SCUBE3: variants seen among roughly 807,000 people sequenced by gnomAD.
SCUBE3 encodes signal peptide, CUB and EGF-like domain-containing protein 3.
SCUBE3 carries 33 observed loss-of-function variants against 116.8 expected under a neutral mutation model. The ratio of observed to expected loss-of-function variants is 0.28; its 90% confidence interval spans 0.21 to 0.38. The LOEUF is 0.38. Ranked by LOEUF, SCUBE3 falls within the 10% of genes least tolerant of loss-of-function variation. SCUBE3 has a pLI of 1.00. For synonymous variants in SCUBE3, 418 were observed against 496.9 expected (o/e 0.84, Z 2.11); for missense variants, 1,007 against 1,324.8 (o/e 0.76, Z 3.72).
chr6:35,217,390 CGTTTA>C (rs1476006946), intron 1 of SCUBE3, among the ~76,000 whole-genome samples: 1 of 151,518 alleles, frequency 6.6e-6, no homozygotes, highest in African/African-American at 2.4e-5. Flanking sequence ...CCAGCCTGGC[CGTTTA>C]GTTTACCTGG....
intron 14 of SCUBE3, 79 bp from the exon 15 acceptor site, chr6:35,242,942 G>T: frequency 6.6e-7 from 1 of 1,526,376 alleles, no homozygotes; most frequent in Non-Finnish European, 9.1e-7. Context: ...GCCCCTCCTA[G>T]CTCCCAGCTT....
In SCUBE3 at chr6:35,243,825, C is replaced by G; in HGVS notation, c.2071+70C>G. On this transcript the variant is annotated intron_variant, in intron 16 of 21. Transcript: ENST00000274938. The surrounding 1 kb of genome is among the most constrained non-coding windows in gnomAD (Gnocchi z 6.6). ...GGGATGCCCATGGGCATGGGATTTCCCAAAGGGCAGGCCCAGGCTCCAGGC... is the reference window on the plus strand; with the variant it reads ...GGGATGCCCATGGGCATGGGATTTCGCAAAGGGCAGGCCCAGGCTCCAGGC... 1 of 1,564,778 alleles carries G rather than the reference C, an allele frequency of 6.4e-7. No homozygotes were observed. The highest frequency in any genetic ancestry group is 8.8e-7 in the Non-Finnish European group (1 of 1,142,348).
intron 1 of SCUBE3, among the ~76,000 whole-genome samples, chr6:35,216,412 T>A (rs1467817132): frequency 6.6e-6 from 1 of 152,236 alleles, no homozygotes; most frequent in Non-Finnish European, 1.5e-5. Flanking sequence ...GCAGTTAGCT[T>A]GGTATCCTCC....
At chr6:35,247,744 G>A (rs1784407027) in intron 21 of SCUBE3, among the ~76,000 whole-genome samples, 1 of 152,154 alleles carries the variant, frequency 6.6e-6, no homozygotes, top group Non-Finnish European at 1.5e-5. Flanking sequence ...CTTCTTATTT[G>A]AAAAATCCAC....
In SCUBE3 at chr6:35,233,013, G is replaced by A. The variant is rs774981280; in HGVS notation, c.595+38G>A. 4.8e-5 allele frequency: 78 copies of A among 1,610,574 alleles called. No homozygotes were observed. Among genetic ancestry groups the A allele is most frequent in the African/African-American group, 1.1e-4 (8 of 74,872 alleles). On this transcript the variant is annotated intron_variant, in intron 5 of 21. Transcript: ENST00000274938. This position sits in a 1 kb window ranked among gnomAD's most constrained non-coding sequence, Gnocchi z 5.7. ...GGATGGCAGGTGGGGCAGTGGGGTC[G>A]GGGGTGAAAACATAGAGGAAGGGTA...
chr6:35,242,697 G>A lies in SCUBE3; in HGVS notation c.1610G>A (p.Arg537Gln), dbSNP rs753864602. The change falls in exon 14 of 22, where the codon CGA becomes CAA. Residue 537 changes from arginine to glutamine, a missense_variant. Physicochemically the swap from Arg to Gln is conservative, Grantham distance 43 (BLOSUM62 1). Transcript: ENST00000274938. Reference protein sequence around the residue: ...KCDSSRKGKGRRARTPPGKEV... With the variant: ...KCDSSRKGKGQRARTPPGKEV... ...GACTCCTCTCGGAAGGGCAAGGGCC[G>A]ACGGGCCCGGACCCCTCCAGGCAAA... 1.4e-5 allele frequency: 23 copies of A among 1,613,978 alleles called. No individual in the cohort carries two copies. The highest frequency in any genetic ancestry group is 1.6e-4 in the Middle Eastern group (1 of 6,084).
chr6:35,243,273 G>A lies in SCUBE3; in HGVS notation c.1909+37G>A. ...TACTGGGGAGCAGGGATGTAGGAAA[G>A]ACCCAGTTTGGGCCTGACTCAGAGC... On this transcript the variant is annotated intron_variant, in intron 15 of 21. Transcript: ENST00000274938. The surrounding 1 kb of genome is among the most constrained non-coding windows in gnomAD (Gnocchi z 6.6). The A allele has an allele frequency of 6.4e-7, 1 of 1,571,066 alleles. No homozygotes were observed. Among genetic ancestry groups the A allele is most frequent in the South Asian group, 1.1e-5 (1 of 90,198 alleles).
rs570501426 is a variant in SCUBE3, at chr6:35,239,588, G to C, written c.830-164G>C. ...GAAACAGAGACAGGAAAGAGAGAGA[G>C]AGACAGGAAAGAGAAAGAGAAAGAG... On this transcript the variant is annotated intron_variant, in intron 7 of 21. Transcript: ENST00000274938. The surrounding 1 kb of genome is among the most constrained non-coding windows in gnomAD (Gnocchi z 4.1). Among the ~76,000 whole-genome samples, 3 of 152,234 alleles carry C rather than the reference G, an allele frequency of 2.0e-5. 1 individual carries two copies. The highest frequency in any genetic ancestry group is 4.4e-5 in the Non-Finnish European group (3 of 68,048).
chr6:35,248,186 G>T (rs1784428236), intron 21 of SCUBE3, among the ~76,000 whole-genome samples: 1 of 152,218 alleles, frequency 6.6e-6, no homozygotes, highest in South Asian at 2.1e-4. Flanking sequence ...GTAGCATGGA[G>T]ACCAGTTAGG....
In SCUBE3 at chr6:35,241,089, C is replaced by A; in HGVS notation, c.1070-52C>A. ...CCCTCACTCACTGCCTACTCTCCGG[C>A]TCCTCCTCCAACTCCATCGTTGTTT... On this transcript the variant is annotated intron_variant, in intron 9 of 21. Transcript: ENST00000274938. The surrounding 1 kb of genome is among the most constrained non-coding windows in gnomAD (Gnocchi z 4.1). 1 of 1,548,308 alleles carries A rather than the reference C, an allele frequency of 6.5e-7. No individual in the cohort carries two copies. The highest frequency in any genetic ancestry group is 8.8e-7 in the Non-Finnish European group (1 of 1,137,654).
At position 35,214,404 on chromosome 6, in the gene SCUBE3, C is replaced by T; in HGVS notation, c.-15C>T. 1 of 1,428,580 alleles carries T rather than the reference C, an allele frequency of 7.0e-7. No homozygotes were observed. Among genetic ancestry groups the T allele is most frequent in the Non-Finnish European group, 9.2e-7 (1 of 1,088,042 alleles). The allele number at this position is 1,428,580 out of a possible 1,614,324, so 88.5% of individuals were successfully genotyped here. ...GAGACCGGCCCCGGCGGCTGGGCCGCCAGTAGCTCCAGCCATGGGCTCGGG... is the reference window on the plus strand; with the variant it reads ...GAGACCGGCCCCGGCGGCTGGGCCGTCAGTAGCTCCAGCCATGGGCTCGGG... On this transcript the variant is annotated 5_prime_UTR_variant, in exon 1 of 22. Coordinates refer to ENST00000274938, the MANE Select transcript of SCUBE3 (RefSeq NM_152753.4). This position sits in a 1 kb window ranked among gnomAD's most constrained non-coding sequence, Gnocchi z 6.3.
chr6:35,230,603 A>G (rs892598236), intron 3 of SCUBE3, among the ~76,000 whole-genome samples: 1 of 152,194 alleles, frequency 6.6e-6, no homozygotes, highest in Admixed American at 6.5e-5. Context: ...GCAGGAAGAC[A>G]GGGATGGGGA....
In SCUBE3 at chr6:35,233,297, C is replaced by T. The variant is rs759121691; in HGVS notation, c.708C>T (p.Cys236=). The T allele has an allele frequency of 2.5e-6, 4 of 1,586,040 alleles. No individual in the cohort carries two copies. Among genetic ancestry groups the T allele is most frequent in the Non-Finnish European group, 3.5e-6 (4 of 1,154,924 alleles). ...TGCTCCATACCGACGGGAAGACATGCATCGGTGGGTGAGGCCAGGGGAGAA... is the reference window on the plus strand; with the variant it reads ...TGCTCCATACCGACGGGAAGACATGTATCGGTGGGTGAGGCCAGGGGAGAA... ...KFVLHTDGKT[C]IETCAVNNGG... The change falls in exon 6 of 22, where the codon TGC becomes TGT. Residue 236 remains cysteine, a synonymous_variant. Coordinates refer to ENST00000274938, the MANE Select transcript of SCUBE3 (RefSeq NM_152753.4). The surrounding 1 kb of genome is among the most constrained non-coding windows in gnomAD (Gnocchi z 5.7).
At chr6:35,234,375 C>T (rs930284676) in intron 6 of SCUBE3, among the ~76,000 whole-genome samples, 3 of 152,144 alleles carry the variant, frequency 2.0e-5, no homozygotes, top group Non-Finnish European at 4.4e-5. Flanking sequence ...ACTAGACTTT[C>T]CAGGGACCTG....
chr6:35,247,093 T>G (rs977823315), intron 21 of SCUBE3, among the ~76,000 whole-genome samples: 2 of 152,202 alleles, frequency 1.3e-5, no homozygotes, highest in Admixed American at 1.3e-4. Context: ...AAGAATGGAC[T>G]AGATGCCCTG....
intron 6 of SCUBE3, among the ~76,000 whole-genome samples, chr6:35,236,276 G>A (rs74538404): frequency 6.3e-4 from 96 of 152,296 alleles, no homozygotes; most frequent in African/African-American, 2.1e-3. Flanking sequence ...CAAGAATGCC[G>A]TCCTGCACAG....
rs992735466 is a variant in SCUBE3, at chr6:35,214,003, C to T, written c.-416C>T. 3.9e-5 allele frequency among the ~76,000 whole-genome samples: 6 copies of T among 152,174 alleles called. No individual in the cohort carries two copies. Among genetic ancestry groups the T allele is most frequent in the African/African-American group, 1.4e-4 (6 of 41,456 alleles). On this transcript the variant is annotated 5_prime_UTR_variant, in exon 1 of 22. Coordinates refer to ENST00000274938, the MANE Select transcript of SCUBE3 (RefSeq NM_152753.4). The surrounding 1 kb of genome is among the most constrained non-coding windows in gnomAD (Gnocchi z 6.3). Reference sequence around the variant, plus strand: ...CAGAAAGGGCGTGTTTCTGGCGCTGCGTTTCCCCTCCCCTTTCTCAGGTCC... The same window carrying T: ...CAGAAAGGGCGTGTTTCTGGCGCTGTGTTTCCCCTCCCCTTTCTCAGGTCC...
intron 3 of SCUBE3, among the ~76,000 whole-genome samples, chr6:35,230,673 C>A (rs1034300022): frequency 6.6e-6 from 1 of 152,194 alleles, no homozygotes; most frequent in Non-Finnish European, 1.5e-5. Flanking sequence ...GGAAAGTACA[C>A]CTTAGCTCTT....
At chr6:35,237,303 C>T (rs910971354) in intron 6 of SCUBE3, among the ~76,000 whole-genome samples, 1 of 152,176 alleles carries the variant, frequency 6.6e-6, no homozygotes, top group Non-Finnish European at 1.5e-5. Context: ...GTATGTGCTA[C>T]CTCCTCTGAG....
Sources: gnomAD v4.1 joint callset for allele counts (sites outside exome capture counted in the v4.1 genomes callset) on GRCh38, gnomAD v4.1.1 for gene constraint, Gnocchi (gnomAD v3.1) non-coding constraint, MANE v1.5 for transcripts, NCBI Gene and HGNC (gene_info 2026-07-23, HGNC 2026-07-21) for gene names.